ZNF585B: variants seen among roughly 807,000 people sequenced by gnomAD.
The protein encoded by ZNF585B is zinc finger protein 41-like protein.
A neutral mutation model predicts 14.0 loss-of-function variants in ZNF585B; 7 were observed. The ratio of observed to expected loss-of-function variants is 0.50; its 90% CI spans 0.28 to 0.94. The LOEUF is 0.94. Among genes scored for constraint, ZNF585B ranks in the 40% least tolerant of loss-of-function variants. The pLI, the probability that ZNF585B is intolerant of heterozygous loss-of-function variation, is 0.09. For synonymous variants in ZNF585B, 290 were observed against 317.3 expected (o/e 0.91, Z 0.91); for missense variants, 750 against 924.4 (o/e 0.81, Z 2.45).
intron 2 of ZNF585B, among the ~76,000 whole-genome samples, chr19:37,203,060 T>C (rs1483423080): frequency 6.6e-6 from 1 of 152,244 alleles, no homozygotes; most frequent in Non-Finnish European, 1.5e-5. Context: ...CTCTTTTTTC[T>C]TGATCATTAA....
In ZNF585B at chr19:37,184,488, GAAAGAAAGAA is replaced by G. The variant is rs879418688; in HGVS notation, c.*729_*738del. On this transcript the variant is annotated 3_prime_UTR_variant, in exon 5 of 5. Transcript: ENST00000532828. ...AGAAAGAAAGAAAGAAAGAAAGAAA[GAAAGAAAGAA>G]AGAAAGAGAAAGAAAGAAAGAAAAA... 0.027 allele frequency: 3,174 copies of G among 118,338 alleles called. 128 individuals carry two copies. Among genetic ancestry groups the G allele is most frequent in the Non-Finnish European group, 0.034 (1,896 of 56,480 alleles). 7.3% of individuals were successfully genotyped at this position (118,338 alleles called of 1,614,324 possible). A position where few individuals can be genotyped will look rare whatever the true frequency, so the allele number is the denominator to read the frequency against.
chr19:37,206,868 TTAC>T (rs1169848228), intron 2 of ZNF585B, among the ~76,000 whole-genome samples, 169 bp downstream of exon 2: 1 of 152,226 alleles, frequency 6.6e-6, no homozygotes, highest in African/African-American at 2.4e-5. Flanking sequence ...GACGGAGACA[TTAC>T]CCACGTGTTC....
chr19:37,207,718 C>T (rs1972600022), intron 1 of ZNF585B, among the ~76,000 whole-genome samples: 1 of 152,178 alleles, frequency 6.6e-6, no homozygotes, highest in Non-Finnish European at 1.5e-5. Flanking sequence ...TTTTAAAGTA[C>T]TCAATGCCTC....
At position 37,185,543 on chromosome 19, in the gene ZNF585B, G is replaced by A; in HGVS notation, c.1994C>T (p.Ser665Phe). The change falls in exon 5 of 5, where the codon TCT becomes TTT. Residue 665 changes from serine to phenylalanine, a missense_variant. By Grantham distance (155) the Ser-to-Phe change is radical (BLOSUM62 -2). Around this residue, in one of 2 missense-constraint regions of ZNF585B, gnomAD observed 233 missense variants for 354.1 expected, o/e 0.66. Coordinates refer to ENST00000532828, the MANE Select transcript of ZNF585B (RefSeq NM_152279.4). ...CTGTCGAAAGGTCTTCCCACATTCA[G>A]AACAAATGTAGGGCTTTTCTCCGGT... ...THTGEKPYIC[S>F]ECGKTFRQKS... The A allele has an allele frequency of 6.2e-7, 1 of 1,612,476 alleles. No individual in the cohort carries two copies. The highest frequency in any genetic ancestry group is 8.5e-7 in the Non-Finnish European group (1 of 1,179,282).
chr19:37,199,418 G>A (rs958603895), intron 2 of ZNF585B: 3 of 427,454 alleles, frequency 7.0e-6, no homozygotes, highest in South Asian at 3.3e-5. Context: ...CCAGCTACTC[G>A]GCAGGCTAAG....
chr19:37,205,498 G>T lies in ZNF585B; in HGVS notation c.72+1542C>A, dbSNP rs1465500595. Among the ~76,000 whole-genome samples, 3 of 152,124 alleles carry T rather than the reference G, an allele frequency of 2.0e-5. No homozygotes were observed. In the East Asian group the frequency reaches 5.8e-4, roughly 29 times the overall value. On this transcript the variant is annotated intron_variant, in intron 2 of 4. Coordinates refer to ENST00000532828, the MANE Select transcript of ZNF585B (RefSeq NM_152279.4). ...CAGCAATGTACAAAAAAGTTAATCT[G>T]CTATGCCATTCTGAAATCAAGAGAA...
chr19:37,189,526 G>T, intron 4 of ZNF585B, 135 bp downstream of exon 4: 1 of 883,740 alleles, frequency 1.1e-6, no homozygotes, highest in Non-Finnish European at 1.8e-6. Flanking sequence ...GAGGCATCAA[G>T]CAATATAAAA....
chr19:37,207,069 C>A lies in ZNF585B; in HGVS notation c.43G>T (p.Ala15Ser), dbSNP rs754459981. The A allele has an allele frequency of 6.2e-7, 1 of 1,614,140 alleles. No individual in the cohort carries two copies. Among genetic ancestry groups the A allele is most frequent in the East Asian group, 2.2e-5 (1 of 44,876 alleles). ...WTSPQKSSALAPEDHGSSYEG... is the reference protein window; with the variant it reads ...WTSPQKSSALSPEDHGSSYEG... Reference sequence around the variant, plus strand: ...TAGGAGCTGCCATGATCCTCTGGAGCCAGGGCTGAGGATTTCTGGGGTGAG... The same window carrying A: ...TAGGAGCTGCCATGATCCTCTGGAGACAGGGCTGAGGATTTCTGGGGTGAG... Residue 15 changes from alanine (A) to serine (S), a missense_variant, in exon 2 of 5, where the codon GCT becomes TCT. Transcript: ENST00000532828.
At chr19:37,202,361 A>T (rs1194155812) in intron 2 of ZNF585B, among the ~76,000 whole-genome samples, 2 of 152,174 alleles carry the variant, frequency 1.3e-5, no homozygotes, top group Non-Finnish European at 2.9e-5. Context: ...ATTTATTTCC[A>T]GTTCTTTTGG....
intron 2 of ZNF585B, among the ~76,000 whole-genome samples, chr19:37,201,997 T>C (rs184056157): frequency 8.9e-4 from 136 of 152,268 alleles, no homozygotes; most frequent in African/African-American, 3.0e-3. Flanking sequence ...AGTGATAAAC[T>C]ATTAGTCTAC....
At chr19:37,187,707 T>C (rs553827445) in intron 4 of ZNF585B, among the ~76,000 whole-genome samples, 324 of 152,202 alleles carry the variant, frequency 2.1e-3, no homozygotes, top group Non-Finnish European at 3.9e-3. Context: ...ACTTTTTGCT[T>C]ATAGAGCAGC....
rs972297799 is a variant in ZNF585B at position 37,205,347 on chromosome 19, C to T, written c.72+1693G>A. On this transcript the variant is annotated intron_variant, in intron 2 of 4. Coordinates refer to ENST00000532828, the MANE Select transcript of ZNF585B (RefSeq NM_152279.4). ...TGAGGTGCAGATGAGACTCTCACCA[C>T]GTGACTAGAACCCTGAAATGAAATT... Among the ~76,000 whole-genome samples the T allele has an allele frequency of 3.3e-5, 5 of 152,188 alleles. No individual in the cohort carries two copies. The South Asian group carries it at 8.3e-4, about 25-fold the overall frequency.
chr19:37,203,960 G>A (rs1396095303), intron 2 of ZNF585B, among the ~76,000 whole-genome samples: 3 of 152,184 alleles, frequency 2.0e-5, no homozygotes, highest in Non-Finnish European at 4.4e-5. Flanking sequence ...GTAATTTAAT[G>A]CTCTTTGTCA....
chr19:37,205,456 CCAAA>C (rs1422682013), intron 2 of ZNF585B, among the ~76,000 whole-genome samples: 5 of 152,066 alleles, frequency 3.3e-5, no homozygotes, highest in Admixed American at 6.5e-5. Context: ...CTGTATTTTA[CCAAA>C]CAAACATTAA....
chr19:37,193,017 C>T (rs914405924), intron 2 of ZNF585B, among the ~76,000 whole-genome samples: 2 of 151,690 alleles, frequency 1.3e-5, no homozygotes, highest in African/African-American at 4.8e-5. Context: ...TGCCTGGAAT[C>T]CCGGCTACTT....
chr19:37,197,314 CCTT>C (rs1371905172), intron 2 of ZNF585B, among the ~76,000 whole-genome samples: 15 of 152,262 alleles, frequency 9.9e-5, no homozygotes, highest in Admixed American at 9.8e-4. Context: ...ATGAAATCAT[CCTT>C]TTTTATGGCT....
intron 2 of ZNF585B, among the ~76,000 whole-genome samples, chr19:37,196,554 T>C (rs1460375525): frequency 6.6e-6 from 1 of 152,016 alleles, no homozygotes; most frequent in Non-Finnish European, 1.5e-5. Context: ...TTACACCGAG[T>C]GTGCCTCCCT....
rs142234201 is a variant in ZNF585B at position 37,187,187 on chromosome 19, G to A, written c.350C>T (p.Ser117Phe). 349 of 1,613,160 alleles carry A rather than the reference G, an allele frequency of 2.2e-4. No homozygotes were observed. The African/African-American group carries it at 4.1e-3, about 19-fold the overall frequency. ...HRKIIGYKPA[S>F]SQDQKIYSGE... ...AGAATAAATTTTTTGATCTTGAGAGGAAGCTGGTTTATAACCGATGATTTT... is the reference window on the plus strand; with the variant it reads ...AGAATAAATTTTTTGATCTTGAGAGAAAGCTGGTTTATAACCGATGATTTT... The change falls in exon 5 of 5, where the codon TCC becomes TTC. Residue 117 changes from serine (S) to phenylalanine (F), a missense_variant. Transcript: ENST00000532828.
chr19:37,198,744 G>GAAAAAAA (rs61435592), intron 2 of ZNF585B, among the ~76,000 whole-genome samples: 2 of 104,024 alleles, frequency 1.9e-5, no homozygotes, highest in Admixed American at 1.0e-4. Flanking sequence ...CTCAGAAAAA[G>GAAAAAAA]AAAAAAAAAA....
Sources: gnomAD v4.1 joint callset for allele counts (sites outside exome capture counted in the v4.1 genomes callset) on GRCh38, gnomAD v4.1.1 for gene constraint, gnomAD v4.1.1 regional missense constraint, MANE v1.5 for transcripts, NCBI Gene and HGNC (gene_info 2026-07-23, HGNC 2026-07-21) for gene names.